SMARCA4: variants seen among roughly 807,000 people sequenced by gnomAD.
The protein encoded by SMARCA4 is SWI/SNF-related matrix-associated actin-dependent regulator of chromatin subfamily A member 4.
A neutral mutation model predicts 193.9 loss-of-function variants in SMARCA4; 31 were observed. That is an observed-to-expected ratio of 0.16 (90% CI 0.12 to 0.22). The LOEUF is 0.22. Ranked by LOEUF, SMARCA4 falls within the 10% of genes least tolerant of loss-of-function variation. SMARCA4 has a pLI of 1.00. For missense variants in SMARCA4, 1,148 were observed against 2,296.0 expected, an observed-to-expected ratio of 0.50 and a Z score of 10.22; for synonymous variants, 942 against 933.1, an observed-to-expected ratio of 1.01 and a Z score of -0.17.
intron 30 of SMARCA4, among the ~76,000 whole-genome samples, chr19:11,051,364 G>A (rs559548118): frequency 5.3e-5 from 8 of 152,268 alleles, no homozygotes; most frequent in African/African-American, 1.9e-4. Flanking sequence ...TGGGGGAGCC[G>A]CTCGTGCCTT....
Position 11,025,411 on chromosome 19 carries a change from C to T in SMARCA4, c.3082-11C>T, listed in dbSNP as rs2146495305. 2 of 1,606,974 alleles carry T rather than the reference C, an allele frequency of 1.2e-6. No homozygotes were observed. Among genetic ancestry groups the T allele is most frequent in the East Asian group, 2.2e-5 (1 of 44,742 alleles). On this transcript the variant is annotated splice_polypyrimidine_tract_variant and intron_variant, in intron 21 of 34. Transcript: ENST00000344626. ...AAGACCCCATTTGGGTCCCTCTCAT[C>T]TGCCTTCCAGGGCAAAGGCGGCACC... is the stretch of plus-strand genomic sequence containing the variant.
intron 1 of SMARCA4, among the ~76,000 whole-genome samples, chr19:10,962,565 G>GC (rs2083893702): frequency 6.6e-6 from 1 of 152,002 alleles, no homozygotes; most frequent in African/African-American, 2.4e-5. Context: ...TGTTTTTGAG[G>GC]CAGAGTCTTG....
intron 1 of SMARCA4, among the ~76,000 whole-genome samples, chr19:10,972,056 A>G (rs1174003372): frequency 1.3e-5 from 2 of 151,628 alleles, no homozygotes; most frequent in Non-Finnish European, 2.9e-5. Context: ...CCTGGGTTCA[A>G]GCGATTCTCC....
At chr19:10,994,680 C>G (rs919334810) in intron 8 of SMARCA4, 148 bp from the exon 9 acceptor site, 5 of 714,916 alleles carry the variant, frequency 7.0e-6, no homozygotes, top group African/African-American at 6.9e-5. Flanking sequence ...AGGATGATCT[C>G]GATCTCCTGA....
At position 11,034,100 on chromosome 19, in the gene SMARCA4, A is replaced by G. The variant is rs1312955391; in HGVS notation, c.3874-23A>G. On this transcript the variant is annotated intron_variant, in intron 27 of 34. Coordinates refer to ENST00000344626, the MANE Select transcript of SMARCA4 (RefSeq NM_003072.5). The surrounding 1 kb of genome is among the most constrained non-coding windows in gnomAD (Gnocchi z 7.0). ...CCCACCCCGGCCCCTCCTCAGCGGC[A>G]CTGACAGTTTGCAATCTTATAGGAG... is the stretch of plus-strand genomic sequence containing the variant. 6 of 1,600,138 alleles carry G rather than the reference A, an allele frequency of 3.7e-6. No homozygotes were observed. The highest frequency in any genetic ancestry group is 5.1e-6 in the Non-Finnish European group (6 of 1,168,156).
chr19:10,986,783 C>T lies in SMARCA4; in HGVS notation c.761-122C>T, dbSNP rs1433411109. The T allele has an allele frequency of 1.6e-6, 2 of 1,222,498 alleles. No homozygotes were observed. The highest frequency in any genetic ancestry group is 2.4e-5 in the East Asian group (1 of 41,472). The allele number at this position is 1,222,498 out of a possible 1,614,324, so 75.7% of individuals were successfully genotyped here. ...CTGCTTCCCCAGCTCCCCGCTTCCCCTGGGGCCGCTGGTTAATAGGTGTAT... is the reference window on the plus strand; with the variant it reads ...CTGCTTCCCCAGCTCCCCGCTTCCCTTGGGGCCGCTGGTTAATAGGTGTAT... On this transcript the variant is annotated intron_variant, in intron 4 of 34. Transcript: ENST00000344626. The surrounding 1 kb of genome is among the most constrained non-coding windows in gnomAD (Gnocchi z 6.7).
In SMARCA4 at chr19:11,034,077, C is replaced by T. The variant is rs374777431; in HGVS notation, c.3874-46C>T. 2 of 1,498,340 alleles carry T rather than the reference C, an allele frequency of 1.3e-6. No individual in the cohort carries two copies. Among genetic ancestry groups the T allele is most frequent in the African/African-American group, 1.4e-5 (1 of 72,654 alleles). 92.8% of individuals were successfully genotyped at this position (1,498,340 alleles called of 1,614,324 possible). A position where few individuals can be genotyped will look rare whatever the true frequency, so the allele number is the denominator to read the frequency against. On this transcript the variant is annotated intron_variant, in intron 27 of 34. Transcript: ENST00000344626. This position sits in a 1 kb window ranked among gnomAD's most constrained non-coding sequence, Gnocchi z 7.0. Reference sequence around the variant, plus strand: ...CTCGCCTCTGAGCTCGGCCGCCGCCCACCCCGGCCCCTCCTCAGCGGCACT... The same window carrying T: ...CTCGCCTCTGAGCTCGGCCGCCGCCTACCCCGGCCCCTCCTCAGCGGCACT...
chr19:11,005,058 A>T (rs1442808471), intron 13 of SMARCA4, among the ~76,000 whole-genome samples: 3 of 151,258 alleles, frequency 2.0e-5, no homozygotes, highest in Non-Finnish European at 4.4e-5. Flanking sequence ...CTGGTCTCGA[A>T]CTCCTGACCT....
At chr19:10,974,172 G>C (rs538344133) in intron 1 of SMARCA4, among the ~76,000 whole-genome samples, 25 of 152,232 alleles carry the variant, frequency 1.6e-4, no homozygotes, top group African/African-American at 5.8e-4. Flanking sequence ...TCCGATTGCT[G>C]GTTAGCAACC....
intron 11 of SMARCA4, among the ~76,000 whole-genome samples, chr19:10,999,718 G>A (rs1201807701): frequency 6.6e-6 from 1 of 152,130 alleles, no homozygotes. Context: ...ACAGCACAGG[G>A]TTAATTTTTA....
intron 16 of SMARCA4, among the ~76,000 whole-genome samples, chr19:11,014,486 C>T (rs371384002): frequency 2.6e-5 from 4 of 152,204 alleles, no homozygotes; most frequent in South Asian, 2.1e-4. Flanking sequence ...CACCTCCCCT[C>T]GTGGTCAGAC....
At chr19:11,011,642 A>G (rs993697068) in intron 15 of SMARCA4, 2 of 152,266 alleles carry the variant, frequency 1.3e-5, no homozygotes, top group Non-Finnish European at 2.9e-5. Context: ...GCATGAGCCC[A>G]GGAGTTGAAA....
chr19:11,055,222 C>T (rs1011974421), intron 30 of SMARCA4, among the ~76,000 whole-genome samples: 2 of 152,102 alleles, frequency 1.3e-5, no homozygotes, highest in African/African-American at 2.4e-5. Flanking sequence ...CAGAGTCTCA[C>T]TCTGTCGCCC....
rs2147127066 is a variant in SMARCA4, at chr19:11,060,178, A to G, written c.4902A>G (p.Glu1634=). 1.3e-6 allele frequency: 2 copies of G among 1,550,986 alleles called. No homozygotes were observed. The highest frequency in any genetic ancestry group is 1.7e-6 in the Non-Finnish European group (2 of 1,146,668). Residue 1634 remains glutamate (E), a synonymous_variant, in exon 34 of 35, where the codon GAA becomes GAG. Transcript: ENST00000344626. ...TGAGTGACGATGACAGTGAGGAGGA[A>G]CAAGAGGAGGTGAGGCCGGGCCCCC... is the stretch of plus-strand genomic sequence containing the variant. ...PVVSDDDSEE[E]QEEDRSGSGS...
chr19:10,989,573 C>T, intron 7 of SMARCA4, 130 bp downstream of exon 7: 1 of 1,001,056 alleles, frequency 1.0e-6, no homozygotes, highest in Non-Finnish European at 1.5e-6. Flanking sequence ...CGTGGCCATC[C>T]ATGGGCACTC....
At position 11,024,446 on chromosome 19, in the gene SMARCA4, C is replaced by G. The variant is rs775978879; in HGVS notation, c.3081+8C>G. On this transcript the variant is annotated splice_region_variant and intron_variant, in intron 21 of 34. Coordinates refer to ENST00000344626, the MANE Select transcript of SMARCA4 (RefSeq NM_003072.5). ...TCCGAGAAGGACAAGAAGGTGGGCCCCAGAGTCCCCCAACTGCATTCCCCA... is the reference window on the plus strand; with the variant it reads ...TCCGAGAAGGACAAGAAGGTGGGCCGCAGAGTCCCCCAACTGCATTCCCCA... The G allele has an allele frequency of 5.7e-6, 9 of 1,580,382 alleles. No homozygotes were observed. The highest frequency in any genetic ancestry group is 7.8e-6 in the Non-Finnish European group (9 of 1,150,616).
Position 11,019,115 on chromosome 19 carries a change from T to TGACTG in SMARCA4, c.2505+94_2505+95insCTGGA. The TGACTG allele has an allele frequency of 1.0e-6, 1 of 965,664 alleles. No homozygotes were observed. The highest frequency in any genetic ancestry group is 1.7e-6 in the Non-Finnish European group (1 of 592,258). 59.8% of individuals were successfully genotyped at this position (965,664 alleles called of 1,614,324 possible). A position where few individuals can be genotyped will look rare whatever the true frequency, so the allele number is the denominator to read the frequency against. On this transcript the variant is annotated intron_variant, in intron 17 of 34. Coordinates refer to ENST00000344626, the MANE Select transcript of SMARCA4 (RefSeq NM_003072.5). This position sits in a 1 kb window ranked among gnomAD's most constrained non-coding sequence, Gnocchi z 6.1. ...CACACATACCTCTGGACAGTGAACCTGAGAATGCTGGGTCTCCAGTCGCAT... is the reference window on the plus strand; with the variant it reads ...CACACATACCTCTGGACAGTGAACCTGACTGGAGAATGCTGGGTCTCCAGTCGCAT...
Position 11,058,704 on chromosome 19 carries a change from C to G in SMARCA4, c.4534-84C>G. ...CTCATAGGCACGAGGAATCCTAGCC[C>G]GTGGGGTCTCCAGCACACAGCCAGG... is the stretch of plus-strand genomic sequence containing the variant. On this transcript the variant is annotated intron_variant, in intron 31 of 34. Transcript: ENST00000344626. The surrounding 1 kb of genome is among the most constrained non-coding windows in gnomAD (Gnocchi z 5.8). The G allele has an allele frequency of 1.7e-6, 2 of 1,170,058 alleles. No homozygotes were observed. The highest frequency in any genetic ancestry group is 1.2e-5 in the South Asian group (1 of 81,344). 72.5% of individuals were successfully genotyped at this position (1,170,058 alleles called of 1,614,324 possible). A position where few individuals can be genotyped will look rare whatever the true frequency, so the allele number is the denominator to read the frequency against.
In SMARCA4 at chr19:11,041,454, CAGA is replaced by C. The variant is rs1427203240; in HGVS notation, c.4324_4326del (p.Lys1442del). 1 of 1,612,518 alleles carries C rather than the reference CAGA, an allele frequency of 6.2e-7. No individual in the cohort carries two copies. Among genetic ancestry groups the C allele is most frequent in the Non-Finnish European group, 8.5e-7 (1 of 1,179,956 alleles). On this transcript the variant is annotated inframe_deletion, in exon 30 of 35. Transcript: ENST00000344626. The surrounding 1 kb of genome is among the most constrained non-coding windows in gnomAD (Gnocchi z 5.6). ...CGACAAGGACGACGAGAGCAAGAAG[CAGA>C]AGAAGCGCGGGCGGCCGCCTGCCGA... is the stretch of plus-strand genomic sequence containing the variant.
Sources: allele counts gnomAD v4.1 joint callset (sites outside exome capture counted in the v4.1 genomes callset), GRCh38; gene constraint gnomAD v4.1.1; non-coding constraint Gnocchi (gnomAD v3.1); transcripts MANE v1.5; gene names NCBI Gene and HGNC (gene_info 2026-07-23, HGNC 2026-07-21).